The following GALNT18 variants were observed in gnomAD, a reference collection of about 807,000 sequenced individuals.
GALNT18 encodes the protein polypeptide N-acetylgalactosaminyltransferase 18.
A neutral mutation model predicts 69.5 loss-of-function variants in GALNT18; 44 were observed. That is an observed-to-expected ratio of 0.63 (90% CI 0.50 to 0.81). The LOEUF (loss-of-function observed/expected upper bound fraction) is 0.81. GALNT18 is among the 40% of genes least tolerant of loss of function. GALNT18 has a pLI of 0.00. For missense variants in GALNT18, 715 were observed against 810.0 expected, an observed-to-expected ratio of 0.88 and a Z score of 1.42; for synonymous variants, 364 against 318.2, an observed-to-expected ratio of 1.14 and a Z score of -1.53.
intron 6 of GALNT18, among the ~76,000 whole-genome samples, chr11:11,357,668 G>A (rs754902046): frequency 2.6e-4 from 39 of 152,160 alleles, no homozygotes; most frequent in Non-Finnish European, 4.4e-4. Context: ...TGGGACCAGG[G>A]CAAGTTCCTT....
intron 2 of GALNT18, among the ~76,000 whole-genome samples, chr11:11,442,635 C>T (rs1855555557): frequency 6.6e-6 from 1 of 152,220 alleles, no homozygotes; most frequent in African/African-American, 2.4e-5. Context: ...TCCTGTCCTG[C>T]TTCTTATCAC....
At chr11:11,416,894 A>C (rs960508722) in intron 3 of GALNT18, among the ~76,000 whole-genome samples, 3 of 152,156 alleles carry the variant, frequency 2.0e-5, no homozygotes, top group Non-Finnish European at 4.4e-5. Flanking sequence ...GCCCTGCCCC[A>C]TCCCCTCCCC....
At position 11,469,521 on chromosome 11, in the gene GALNT18, C is replaced by G. The variant is rs1456009586; in HGVS notation, c.236-20585G>C. Among the ~76,000 whole-genome samples, 8 of 152,204 alleles carry G rather than the reference C, an allele frequency of 5.3e-5. No homozygotes were observed. The highest frequency in any genetic ancestry group is 1.0e-4 in the Non-Finnish European group (7 of 68,044). The stretch of plus-strand genomic sequence containing the variant: ...CCCTGACCCCTAATTCACTTCTTCT[C>G]TAAACCTCACTGGATCTGCATCTTG... On this transcript the variant is annotated intron_variant, in intron 1 of 10. Coordinates refer to ENST00000227756, the MANE Select transcript of GALNT18 (RefSeq NM_198516.3). The surrounding 1 kb of genome is among the most constrained non-coding windows in gnomAD (Gnocchi z 4.2).
intron 6 of GALNT18, among the ~76,000 whole-genome samples, chr11:11,371,770 G>A (rs940342025): frequency 6.6e-6 from 1 of 152,124 alleles, no homozygotes; most frequent in Non-Finnish European, 1.5e-5. Context: ...TAACACCAGG[G>A]GACCTAACAG....
chr11:11,419,619 A>AAAGAAAG (rs1342247674), intron 3 of GALNT18, among the ~76,000 whole-genome samples: 4,347 of 128,292 alleles, frequency 0.034, 196 homozygotes, highest in Admixed American at 0.064. Flanking sequence ...AAAAAAAAAA[A>AAAGAAAG]AAAGAAAGAA....
Position 11,555,360 on chromosome 11 carries a change from T to C in GALNT18, c.235+65999A>G, listed in dbSNP as rs1024641779. 3.9e-5 allele frequency among the ~76,000 whole-genome samples: 6 copies of C among 152,154 alleles called. No individual in the cohort carries two copies. Among genetic ancestry groups the C allele is most frequent in the Non-Finnish European group, 7.3e-5 (5 of 68,036 alleles). On this transcript the variant is annotated intron_variant, in intron 1 of 10. Coordinates refer to ENST00000227756, the MANE Select transcript of GALNT18 (RefSeq NM_198516.3). This position sits in a 1 kb window ranked among gnomAD's most constrained non-coding sequence, Gnocchi z 4.7. Reference sequence around the variant, plus strand: ...TTTGCCAGAAACAGGCTTCTCATCTTCCCCAACCCCAGCTTAATCCACGCT... The same window carrying C: ...TTTGCCAGAAACAGGCTTCTCATCTCCCCCAACCCCAGCTTAATCCACGCT...
At chr11:11,519,559 C>G (rs1227824512) in intron 1 of GALNT18, among the ~76,000 whole-genome samples, 1 of 152,208 alleles carries the variant, frequency 6.6e-6, no homozygotes, top group Non-Finnish European at 1.5e-5. Context: ...AAAGGGAATC[C>G]TCCTAGGCCA....
chr11:11,519,174 A>C (rs1857342319), intron 1 of GALNT18, among the ~76,000 whole-genome samples: 2 of 152,332 alleles, frequency 1.3e-5, no homozygotes, highest in South Asian at 4.1e-4. Flanking sequence ...CAGGGGATGC[A>C]TCAGCCCAGA....
intron 3 of GALNT18, among the ~76,000 whole-genome samples, chr11:11,416,560 G>C (rs929406009): frequency 6.6e-6 from 1 of 152,194 alleles, no homozygotes; most frequent in Non-Finnish European, 1.5e-5. Context: ...GTGAGGAAAG[G>C]TTTAAAGATT....
At chr11:11,285,941 G>T (rs969420336) in intron 10 of GALNT18, among the ~76,000 whole-genome samples, 1 of 152,180 alleles carries the variant, frequency 6.6e-6, no homozygotes, top group African/African-American at 2.4e-5. Flanking sequence ...TTGGCTAGGG[G>T]CTCAGTCTCT....
Position 11,342,302 on chromosome 11 carries a change from T to C in GALNT18, c.1093-1298A>G, listed in dbSNP as rs1850222059. Among the ~76,000 whole-genome samples the C allele has an allele frequency of 2.6e-5, 4 of 152,210 alleles. No individual in the cohort carries two copies. The South Asian group carries it at 8.3e-4, about 32-fold the overall frequency. On this transcript the variant is annotated intron_variant, in intron 6 of 10. Coordinates refer to ENST00000227756, the MANE Select transcript of GALNT18 (RefSeq NM_198516.3). ...TTCAGGTGAATCTGAAATACCTGGT[T>C]AGAGCTGATGAATGTGGCTTCTGAG... is the stretch of plus-strand genomic sequence containing the variant.
intron 10 of GALNT18, among the ~76,000 whole-genome samples, chr11:11,286,312 T>G (rs562709773): frequency 3.3e-5 from 5 of 152,216 alleles, no homozygotes; most frequent in Admixed American, 6.5e-5. Context: ...AAATCTGAGG[T>G]GATCGGAAGA....
chr11:11,466,674 G>A (rs543650681), intron 1 of GALNT18, among the ~76,000 whole-genome samples: 12 of 152,328 alleles, frequency 7.9e-5, no homozygotes, highest in African/African-American at 2.6e-4. Context: ...CAAAGAAGGT[G>A]CTTTGAACCA....
In GALNT18 at chr11:11,341,098, G is replaced by T; in HGVS notation, c.1093-94C>A. 1 of 1,232,376 alleles carries T rather than the reference G, an allele frequency of 8.1e-7. No homozygotes were observed. The allele number at this position is 1,232,376 out of a possible 1,614,324, so 76.3% of individuals were successfully genotyped here. On this transcript the variant is annotated intron_variant, in intron 6 of 10. Transcript: ENST00000227756. This position sits in a 1 kb window ranked among gnomAD's most constrained non-coding sequence, Gnocchi z 6.3. ...GCCACTTGACATGAGCAGGAAGAAA[G>T]TCAGCCCCTTCACCTTGACTCCCCA...
intron 6 of GALNT18, among the ~76,000 whole-genome samples, chr11:11,349,992 G>A (rs913915203): frequency 3.3e-5 from 5 of 152,210 alleles, no homozygotes; most frequent in African/African-American, 1.2e-4. Flanking sequence ...GAACATTTGG[G>A]TTAGCCCTAA....
chr11:11,553,307 G>C (rs1307964006), intron 1 of GALNT18, among the ~76,000 whole-genome samples: 1 of 152,134 alleles, frequency 6.6e-6, no homozygotes, highest in African/African-American at 2.4e-5. Context: ...CTTCCCACCT[G>C]CTGCAGGATT....
chr11:11,308,907 AC>A (rs1158978482), intron 9 of GALNT18, among the ~76,000 whole-genome samples: 5 of 151,828 alleles, frequency 3.3e-5, no homozygotes, highest in Non-Finnish European at 5.9e-5. Context: ...CCACACCTAG[AC>A]CCCAGCTCTT....
intron 3 of GALNT18, among the ~76,000 whole-genome samples, chr11:11,412,511 C>T (rs1854754147): frequency 6.6e-6 from 1 of 152,138 alleles, no homozygotes; most frequent in Admixed American, 6.5e-5. Context: ...CTAAATGGAG[C>T]CCCAGGTTCT....
intron 10 of GALNT18, among the ~76,000 whole-genome samples, chr11:11,284,023 G>C (rs1475117292): frequency 6.6e-6 from 1 of 152,182 alleles, no homozygotes; most frequent in East Asian, 1.9e-4. Flanking sequence ...GTAGGACTCT[G>C]TGCCCCGCCT....
Sources: gnomAD v4.1 joint callset for allele counts (sites outside exome capture counted in the v4.1 genomes callset) on GRCh38, gnomAD v4.1.1 for gene constraint, Gnocchi (gnomAD v3.1) non-coding constraint, MANE v1.5 for transcripts, NCBI Gene and HGNC (gene_info 2026-07-23, HGNC 2026-07-21) for gene names.